XKR6: variants seen among roughly 807,000 people sequenced by gnomAD.
XKR6 encodes the protein XK-related protein 6.
In XKR6, 22 loss-of-function variants were observed where a neutral mutation model predicts 56.7. That is an observed-to-expected ratio of 0.39 (90% CI 0.28 to 0.55). The LOEUF is 0.55. XKR6 is among the 20% of genes least tolerant of loss of function. The probability of loss-of-function intolerance (pLI) is 0.66; values close to 1 mark genes in which losing one functional copy is unlikely to be tolerated. For synonymous variants in XKR6, 524 were observed against 387.8 expected, an observed-to-expected ratio of 1.35 and a Z score of -4.13; for missense variants, 852 against 889.0, an observed-to-expected ratio of 0.96 and a Z score of 0.53.
intron 1 of XKR6, among the ~76,000 whole-genome samples, chr8:11,102,252 T>C (rs1276536652): frequency 6.6e-6 from 1 of 152,210 alleles, no homozygotes; most frequent in East Asian, 1.9e-4. Context: ...TTGCCTGCTC[T>C]TTCCCATGAG....
At position 11,177,203 on chromosome 8, in the gene XKR6, T is replaced by A. The variant is rs573374388; in HGVS notation, c.764+23373A>T. On this transcript the variant is annotated intron_variant, in intron 1 of 2. Transcript: ENST00000416569. ...GCACGCAGGTAGGTGCAACAGGCTG[T>A]GTAACCTCCCACAGCTACAAAGACT... Among the ~76,000 whole-genome samples, 115 of 152,340 alleles carry A rather than the reference T, an allele frequency of 7.5e-4. 1 individual carries two copies. The Middle Eastern group carries it at 0.01, about 14-fold the overall frequency.
At chr8:10,917,782 G>A (rs1224109560) in intron 2 of XKR6, among the ~76,000 whole-genome samples, 2 of 152,180 alleles carry the variant, frequency 1.3e-5, no homozygotes, top group East Asian at 1.9e-4. Context: ...AGTTTTCATC[G>A]TGAACCTCTC....
At chr8:11,087,273 A>C (rs1797921163) in intron 1 of XKR6, among the ~76,000 whole-genome samples, 1 of 152,134 alleles carries the variant, frequency 6.6e-6, no homozygotes. Context: ...CTTGGCCTCC[A>C]CTATTGGTGA....
chr8:11,055,446 G>C (rs111637264), intron 1 of XKR6, among the ~76,000 whole-genome samples: 2 of 152,212 alleles, frequency 1.3e-5, no homozygotes, highest in Non-Finnish European at 2.9e-5. Context: ...GGGCTCAGGG[G>C]AGCCTGCCTA....
chr8:11,005,780 T>G (rs1031509921), intron 1 of XKR6, among the ~76,000 whole-genome samples: 3 of 151,964 alleles, frequency 2.0e-5, no homozygotes, highest in Non-Finnish European at 2.9e-5. Flanking sequence ...CTCTTTTTCA[T>G]ATCTACAGTT....
intron 1 of XKR6, among the ~76,000 whole-genome samples, chr8:11,074,349 G>A (rs1233879656): frequency 6.6e-6 from 1 of 152,172 alleles, no homozygotes; most frequent in African/African-American, 2.4e-5. Flanking sequence ...AGGTCACTGT[G>A]GTAAGTGTTG....
In XKR6 at chr8:11,075,889, C is replaced by T. The variant is rs543263565; in HGVS notation, c.764+124687G>A. Among the ~76,000 whole-genome samples, 23 of 152,188 alleles carry T rather than the reference C, an allele frequency of 1.5e-4. No individual in the cohort carries two copies. The South Asian group carries it at 2.5e-3, about 17-fold the overall frequency. ...CTCTGTCCCCCCGACCCAAAAAAAACGTAACTTGATCTTGAGGAGATATTT... is the reference window on the plus strand; with the variant it reads ...CTCTGTCCCCCCGACCCAAAAAAAATGTAACTTGATCTTGAGGAGATATTT... On this transcript the variant is annotated intron_variant, in intron 1 of 2. Transcript: ENST00000416569.
intron 1 of XKR6, among the ~76,000 whole-genome samples, chr8:10,978,515 G>A (rs1011929770): frequency 1.3e-5 from 2 of 152,188 alleles, no homozygotes; most frequent in East Asian, 1.9e-4. Context: ...GGAAACAGGT[G>A]TATTTTATCA....
At chr8:11,180,394 T>G (rs2409720) in intron 1 of XKR6, among the ~76,000 whole-genome samples, 45,909 of 152,058 alleles carry the variant, frequency 0.3, 7,623 homozygotes, top group Non-Finnish European at 0.37. Flanking sequence ...AGCCTCTCCT[T>G]GTATCATAGT....
rs1176022589 is a variant in XKR6, at chr8:10,918,964, C to T, written c.961+5670G>A. ...ACAGGTGCTCCTAGCTCAGCCCTTG[C>T]TTCCCTCCCTGTGTGAAAGAAAAGG... On this transcript the variant is annotated intron_variant, in intron 2 of 2. Transcript: ENST00000416569. 3.9e-5 allele frequency among the ~76,000 whole-genome samples: 6 copies of T among 152,328 alleles called. 1 individual carries two copies. The South Asian group carries it at 1.0e-3, about 26-fold the overall frequency.
chr8:10,910,853 C>T (rs148840415), intron 2 of XKR6, among the ~76,000 whole-genome samples: 68 of 152,326 alleles, frequency 4.5e-4, no homozygotes, highest in Non-Finnish European at 8.1e-4. Context: ...GTCAGCCACC[C>T]AGCTGGCATG....
chr8:11,059,914 G>T (rs1274193731), intron 1 of XKR6, among the ~76,000 whole-genome samples: 1 of 152,210 alleles, frequency 6.6e-6, no homozygotes, highest in East Asian at 1.9e-4. Flanking sequence ...AAGGTGACAG[G>T]ATGGGTGTTA....
intron 1 of XKR6, among the ~76,000 whole-genome samples, chr8:10,942,617 T>G (rs1801419020): frequency 6.6e-6 from 1 of 152,172 alleles, no homozygotes; most frequent in Non-Finnish European, 1.5e-5. Context: ...GCCCTCAAAT[T>G]ACGAAGTAAG....
At chr8:10,988,436 C>T (rs1421235578) in intron 1 of XKR6, among the ~76,000 whole-genome samples, 3 of 152,202 alleles carry the variant, frequency 2.0e-5, no homozygotes, top group African/African-American at 7.2e-5. Context: ...CTGTGGAAAT[C>T]CCTGGCGTGC....
Position 11,179,721 on chromosome 8 carries a change from C to A in XKR6, c.764+20855G>T, listed in dbSNP as rs190388247. Among the ~76,000 whole-genome samples, 14 of 152,258 alleles carry A rather than the reference C, an allele frequency of 9.2e-5. 1 individual carries two copies. Among genetic ancestry groups the A allele is most frequent in the Admixed American group, 3.3e-4 (5 of 15,302 alleles). On this transcript the variant is annotated intron_variant, in intron 1 of 2. Transcript: ENST00000416569. ...GCAGGACTTTCACACTGTTTGTTCACCCAGAAAGATAATGCTCTCCACCAT... is the reference window on the plus strand; with the variant it reads ...GCAGGACTTTCACACTGTTTGTTCAACCAGAAAGATAATGCTCTCCACCAT...
chr8:10,958,612 G>T (rs960054781), intron 1 of XKR6, among the ~76,000 whole-genome samples: 1 of 152,196 alleles, frequency 6.6e-6, no homozygotes, highest in Non-Finnish European at 1.5e-5. Flanking sequence ...TGATCACCAT[G>T]GGAGCCAATA....
intron 1 of XKR6, among the ~76,000 whole-genome samples, chr8:11,103,547 T>G (rs1023047489): frequency 6.6e-6 from 1 of 152,222 alleles, no homozygotes; most frequent in Non-Finnish European, 1.5e-5. Flanking sequence ...AATGGCATGC[T>G]AATCCATTCT....
At chr8:11,126,658 A>G (rs1799814035) in intron 1 of XKR6, among the ~76,000 whole-genome samples, 2 of 152,182 alleles carry the variant, frequency 1.3e-5, no homozygotes, top group Non-Finnish European at 2.9e-5. Flanking sequence ...TCCACAGACT[A>G]ATCCTCACAG....
intron 1 of XKR6, chr8:11,108,197 A>G (rs1224791238): frequency 2.2e-6 from 1 of 444,882 alleles, no homozygotes; most frequent in Admixed American, 2.5e-5. Flanking sequence ...CTACACTTAT[A>G]AACAAATTAA....
Sources: allele counts gnomAD v4.1 joint callset (sites outside exome capture counted in the v4.1 genomes callset), GRCh38; gene constraint gnomAD v4.1.1; transcripts MANE v1.5; gene names NCBI Gene and HGNC (gene_info 2026-07-23, HGNC 2026-07-21).